Variants in SYCE1 observed in about 807,000 individuals in gnomAD.
The protein encoded by SYCE1 is cancer/testis antigen 76.
SYCE1 carries 37 observed loss-of-function variants against 55.1 expected under a neutral mutation model. The observed-to-expected ratio is 0.67, with a 90% CI of 0.52 to 0.88. The LOEUF (loss-of-function observed/expected upper bound fraction) is 0.88. Among genes scored for constraint, SYCE1 ranks in the 40% least tolerant of loss-of-function variants. The pLI, the probability that SYCE1 is intolerant of heterozygous loss-of-function variation, is 0.00. For synonymous variants in SYCE1, 163 were observed against 159.4 expected (o/e 1.02, Z -0.17); for missense variants, 399 against 416.4 (o/e 0.96, Z 0.36).
At chr10:133,566,078 C>T (rs952585863), upstream of SYCE1, among the ~76,000 whole-genome samples, 4 of 152,218 alleles carry the variant, frequency 2.6e-5, no homozygotes, top group South Asian at 8.3e-4. Flanking sequence ...CCCTAGGCCG[C>T]GTTCCCGTGA....
At chr10:133,554,226 A>C, downstream of SYCE1, 1 of 1,513,682 alleles carries the variant, frequency 6.6e-7, no homozygotes, top group Non-Finnish European at 9.2e-7. Context: ...TGACTGAAGA[A>C]TTTCTGCACT....
upstream of SYCE1, among the ~76,000 whole-genome samples, chr10:133,566,691 A>T (rs150514660): frequency 4.6e-4 from 68 of 148,136 alleles, no homozygotes; most frequent in African/African-American, 1.5e-3. Flanking sequence ...TAAGGTTTGT[A>T]AGGGTTAGGG....
chr10:133,557,762 G>T, intron 6 of SYCE1, 102 bp downstream of exon 6: 1 of 1,332,508 alleles, frequency 7.5e-7, no homozygotes, highest in Non-Finnish European at 1.1e-6. Flanking sequence ...TGTTTAGAGG[G>T]AAACAATGAG....
intron 1 of SYCE1, among the ~76,000 whole-genome samples, chr10:133,561,680 T>C (rs2133626321): frequency 6.6e-6 from 1 of 152,268 alleles, no homozygotes; most frequent in Admixed American, 6.5e-5. Context: ...AACCAGCTGG[T>C]CTTAATTTTT....
At chr10:133,556,151 C>G in intron 8 of SYCE1, 104 bp from the exon 9 acceptor site, 1 of 1,345,958 alleles carries the variant, frequency 7.4e-7, no homozygotes, top group African/African-American at 1.4e-5. Context: ...TGCCTCACTT[C>G]CAACAACTCT....
At chr10:133,556,090 C>T (rs776686745) in intron 8 of SYCE1, 43 bp from the exon 9 acceptor site, 4 of 1,604,024 alleles carry the variant, frequency 2.5e-6, no homozygotes, top group South Asian at 1.1e-5. Flanking sequence ...CTTGGCTTTC[C>T]CCCATGCCTC....
intron 7 of SYCE1, 61 bp downstream of exon 7, chr10:133,557,005 CT>C (rs1165194196): frequency 1.9e-6 from 3 of 1,554,052 alleles, no homozygotes; most frequent in African/African-American, 2.7e-5. Flanking sequence ...TAACCCCCAT[CT>C]TTGACATTAT....
rs1406921800 is a variant in SYCE1, at chr10:133,558,229, C to A, written c.272-15G>T. 1 of 1,613,844 alleles carries A rather than the reference C, an allele frequency of 6.2e-7. No homozygotes were observed. Among genetic ancestry groups the A allele is most frequent in the Admixed American group, 1.7e-5 (1 of 60,026 alleles). ...CTCTCCATGCACTAGAAAACAGTGACACATTTTGGCATCAGGGACTATGCA... is the reference window on the plus strand; with the variant it reads ...CTCTCCATGCACTAGAAAACAGTGAAACATTTTGGCATCAGGGACTATGCA... On this transcript the variant is annotated splice_polypyrimidine_tract_variant and intron_variant, in intron 4 of 12. Transcript: ENST00000343131.
chr10:133,565,278 G>A (rs184257938), intron 1 of SYCE1, among the ~76,000 whole-genome samples, 179 bp downstream of exon 1: 5 of 152,206 alleles, frequency 3.3e-5, no homozygotes, highest in African/African-American at 1.2e-4. Flanking sequence ...AAGACAAAGT[G>A]GGGGGTGTGC....
intron 7 of SYCE1, 34 bp from the exon 8 acceptor site, chr10:133,556,856 G>C (rs755538853): frequency 1.2e-6 from 2 of 1,604,372 alleles, no homozygotes; most frequent in Admixed American, 1.7e-5. Context: ...GGGGATATGG[G>C]CTGAAATCAC....
At position 133,556,066 on chromosome 10, in the gene SYCE1, G is replaced by T. The variant is rs1472453540; in HGVS notation, c.529-19C>A. On this transcript the variant is annotated intron_variant, in intron 8 of 12. Transcript: ENST00000343131. ...CTGGCATCTGAGGGGCAGAAAAGAG[G>T]CCTGTCCACTCCTCTTGGCTTTCCC... is the stretch of plus-strand genomic sequence containing the variant. 6 of 1,611,946 alleles carry T rather than the reference G, an allele frequency of 3.7e-6. No homozygotes were observed. Among genetic ancestry groups the T allele is most frequent in the Admixed American group, 3.3e-5 (2 of 60,016 alleles).
downstream of SYCE1, chr10:133,554,816 C>A: frequency 6.9e-7 from 1 of 1,457,772 alleles, no homozygotes; most frequent in Non-Finnish European, 9.0e-7. Context: ...AAGAAGCTGG[C>A]AGGTACCAGA....
chr10:133,558,849 A>T, intron 4 of SYCE1, 28 bp downstream of exon 4: 1 of 1,610,662 alleles, frequency 6.2e-7, no homozygotes, highest in Non-Finnish European at 8.5e-7. Flanking sequence ...CACTGTGGGG[A>T]CCTCTGGGTG....
In SYCE1 at chr10:133,557,873, TCA is replaced by T; in HGVS notation, c.363_364del (p.Ser121ArgfsTer24). ...AGCTGGAAGCTCTTACCTGTGTGCC[TCA>T]CTTTCCTTTTCCTGGCAATGCAGCC... On this transcript the variant is annotated frameshift_variant, in exon 6 of 13. Transcript: ENST00000343131. LOFTEE classifies it high-confidence loss of function. 6.2e-7 allele frequency: 1 copy of T among 1,614,132 alleles called. No individual in the cohort carries two copies. The highest frequency in any genetic ancestry group is 8.5e-7 in the Non-Finnish European group (1 of 1,180,020).
chr10:133,555,668 G>A lies in SYCE1; in HGVS notation c.759C>T (p.Leu253=). ...FQEEHRKAEE[L]LAAAAQRHQQ... Reference sequence around the variant, plus strand: ...GGTGGCGCTGGGCAGCAGCTGCTAGGAGCTCCTCAGCCTTCCTGTGCTCTT... The same window carrying A: ...GGTGGCGCTGGGCAGCAGCTGCTAGAAGCTCCTCAGCCTTCCTGTGCTCTT... The change falls in exon 11 of 13, where the codon CTC becomes CTT. Residue 253 remains leucine, a synonymous_variant. Coordinates refer to ENST00000343131, the MANE Select transcript of SYCE1 (RefSeq NM_001143764.3). 1 of 1,604,738 alleles carries A rather than the reference G, an allele frequency of 6.2e-7. No homozygotes were observed.
intron 1 of SYCE1, chr10:133,564,308 C>T (rs1172308542): frequency 3.4e-6 from 3 of 873,566 alleles, no homozygotes; most frequent in African/African-American, 3.6e-5. Context: ...GCACCTTGAT[C>T]TTGAACTTCT....
At chr10:133,556,184 C>T (rs761451272) in intron 8 of SYCE1, 137 bp from the exon 9 acceptor site, 15 of 951,480 alleles carry the variant, frequency 1.6e-5, no homozygotes, top group Non-Finnish European at 2.2e-5. Context: ...ACACCAGCTA[C>T]AGTACAGCCT....
intron 1 of SYCE1, among the ~76,000 whole-genome samples, chr10:133,562,266 TG>T (rs1193209032): frequency 0.046 from 52 of 1,134 alleles, 1 homozygote; most frequent in East Asian, 0.28. Context: ...ATCCAATGTG[TG>T]TGTGTGTGTG....
At chr10:133,566,822 G>T (rs1589974561), upstream of SYCE1, among the ~76,000 whole-genome samples, 1 of 119,250 alleles carries the variant, frequency 8.4e-6, no homozygotes, top group African/African-American at 2.9e-5. Flanking sequence ...GTTACAGTTG[G>T]GTTAAGGGTT....
Sources: allele counts gnomAD v4.1 joint callset (sites outside exome capture counted in the v4.1 genomes callset), GRCh38; gene constraint gnomAD v4.1.1; transcripts MANE v1.5; gene names NCBI Gene and HGNC (gene_info 2026-07-23, HGNC 2026-07-21).